GSTA1: variants seen among roughly 807,000 people sequenced by gnomAD.
GSTA1 encodes glutathione S-transferase A1.
Under a neutral mutation model 21.5 loss-of-function variants are expected in GSTA1, and 23 were observed. The observed-to-expected ratio is 1.07, with a 90% CI of 0.77 to 1.52. The LOEUF is 1.52. Among genes scored for constraint, GSTA1 ranks in the 40% most tolerant of loss-of-function variants. GSTA1 has a pLI of 0.00. For synonymous variants in GSTA1, 125 were observed against 90.0 expected, an observed-to-expected ratio of 1.39 and a Z score of -2.20; for missense variants, 301 against 264.2, an observed-to-expected ratio of 1.14 and a Z score of -0.96.
In GSTA1 at chr6:52,792,762, G is replaced by T. The variant is rs777453541; in HGVS notation, c.546+94C>A. ...CTTGGGGCACTGAAGGCCTGGAGAA[G>T]ACTGGGGCAAAACTTGGTCAGTCGC... On this transcript the variant is annotated intron_variant, in intron 6 of 6. Coordinates refer to ENST00000334575, the MANE Select transcript of GSTA1 (RefSeq NM_145740.5). 5 of 1,610,992 alleles carry T rather than the reference G, an allele frequency of 3.1e-6. No homozygotes were observed. The South Asian group carries it at 3.3e-5, about 11-fold the overall frequency.
Position 52,791,973 on chromosome 6 carries a change from T to C in GSTA1, c.554A>G (p.Lys185Arg). ...ISSFPLLKAL[K>R]TRISNLPTVK... The stretch of plus-strand genomic sequence containing the variant: ...TGTGGGCAGGTTGCTGATTCTGGTT[T>C]TCAGGGCCTGTAATTCATAAAGCAC... The change falls in exon 7 of 7, where the codon AAA (lysine) becomes AGA (arginine). Residue 185 changes from lysine to arginine, a missense_variant. Transcript: ENST00000334575. The C allele has an allele frequency of 6.2e-7, 1 of 1,613,940 alleles. No homozygotes were observed. The highest frequency in any genetic ancestry group is 8.5e-7 in the Non-Finnish European group (1 of 1,179,848).
intron 1 of GSTA1, among the ~76,000 whole-genome samples, chr6:52,800,775 C>CT (rs1763697568): frequency 6.6e-6 from 1 of 152,186 alleles, no homozygotes; most frequent in Non-Finnish European, 1.5e-5. Context: ...GTTTTCTCTC[C>CT]AAACCCCCAG....
chr6:52,800,571 T>C (rs142112239), intron 1 of GSTA1, among the ~76,000 whole-genome samples: 1,567 of 152,322 alleles, frequency 0.01, 24 homozygotes, highest in African/African-American at 0.036. Context: ...AGAAATTGAC[T>C]GGGCTCATCA....
chr6:52,794,136 CA>C lies in GSTA1; in HGVS notation c.402del (p.Ala135ProfsTer6), dbSNP rs770836184. On this transcript the variant is annotated frameshift_variant, in exon 5 of 7. Transcript: ENST00000334575. LOFTEE classifies it high-confidence loss of function. ...IKEKIKNRYF[P>X]AFEKVLKSHG... ...ACTGCTTCACTTACTTTTTCAAAGG[CA>C]GGGAAGTAGCGATTTTTTATTTTCT... 1.2e-6 allele frequency: 2 copies of C among 1,613,866 alleles called. No homozygotes were observed. Among genetic ancestry groups the C allele is most frequent in the East Asian group, 4.5e-5 (2 of 44,872 alleles).
intron 2 of GSTA1, among the ~76,000 whole-genome samples, chr6:52,798,249 A>C (rs913733910): frequency 2.0e-5 from 3 of 151,334 alleles, no homozygotes; most frequent in Admixed American, 6.6e-5. Flanking sequence ...CATTATTTTT[A>C]AGGAAAACCT....
At chr6:52,801,207 T>C (rs556447968) in intron 1 of GSTA1, among the ~76,000 whole-genome samples, 2 of 152,304 alleles carry the variant, frequency 1.3e-5, no homozygotes, top group East Asian at 1.9e-4. Context: ...TAAAAAGGTA[T>C]GTATGACTAA....
At chr6:52,801,531 C>A (rs1408692338) in intron 1 of GSTA1, among the ~76,000 whole-genome samples, 1 of 152,172 alleles carries the variant, frequency 6.6e-6, no homozygotes, top group Non-Finnish European at 1.5e-5. Flanking sequence ...CTCTCTTAGC[C>A]ATTGATTGAG....
chr6:52,792,431 A>G (rs1390257478), intron 6 of GSTA1, among the ~76,000 whole-genome samples: 1 of 152,156 alleles, frequency 6.6e-6, no homozygotes, highest in East Asian at 1.9e-4. Context: ...AGTGTTCTGG[A>G]GAGCTGTGCA....
chr6:52,796,543 A>ATATATATATTTTT (rs1300549721), intron 3 of GSTA1, among the ~76,000 whole-genome samples: 1 of 23,758 alleles, frequency 4.2e-5, no homozygotes, highest in Non-Finnish European at 1.1e-4. Context: ...ATATATATAT[A>ATATATATATTTTT]TTTTTTTTTT....
In GSTA1 at chr6:52,791,827, T is replaced by C. The variant is rs1763464013; in HGVS notation, c.*31A>G. 3.1e-6 allele frequency: 5 copies of C among 1,613,250 alleles called. No homozygotes were observed. The highest frequency in any genetic ancestry group is 1.7e-5 in the Admixed American group (1 of 59,892). On this transcript the variant is annotated 3_prime_UTR_variant, in exon 7 of 7. Transcript: ENST00000334575. ...GTTGCAAAACTTTAGAACATTGGTA[T>C]TGCAAGTTCTTGGCCTCCATGACTG...
Position 52,792,971 on chromosome 6 carries a change from C to T in GSTA1, c.431G>A (p.Gly144Glu). The T allele has an allele frequency of 2.5e-6, 4 of 1,614,070 alleles. No individual in the cohort carries two copies. The highest frequency in any genetic ancestry group is 3.4e-6 in the Non-Finnish European group (4 of 1,179,992). The part of the protein sequence containing the change: ...PAFEKVLKSH[G>E]QDYLVGNKLS... ...CTTGTTGCCAACAAGGTAGTCTTGT[C>T]CATGGCTCTTTAAGACCTGGAGAAT... The change falls in exon 6 of 7, where the codon GGA becomes GAA. Residue 144 changes from glycine to glutamate, a missense_variant. Gly to Glu is a moderately conservative substitution (Grantham distance 98, BLOSUM62 -2). Transcript: ENST00000334575.
intron 1 of GSTA1, among the ~76,000 whole-genome samples, chr6:52,802,656 C>G (rs1561916381): frequency 2.0e-5 from 3 of 152,072 alleles, no homozygotes; most frequent in African/African-American, 4.8e-5. Context: ...CTCTGTCTAC[C>G]CATCCATGTA....
rs1763771128 is a variant in GSTA1 at position 52,803,780 on chromosome 6, C to CA, written c.-31+4_-31+5insT. 2 of 183,510 alleles carry CA rather than the reference C, an allele frequency of 1.1e-5. No homozygotes were observed. The highest frequency in any genetic ancestry group is 1.2e-5 in the Non-Finnish European group (1 of 86,610). 11.4% of individuals were successfully genotyped at this position (183,510 alleles called of 1,614,324 possible). A position where few individuals can be genotyped will look rare whatever the true frequency, so the allele number is the denominator to read the frequency against. ...TGTAGAGAAATTTATAAGATCAGTA[C>CA]TTACTTTGTTAAACGCTGTCACCGT... On this transcript the variant is annotated splice_donor_region_variant and intron_variant, in intron 1 of 6. Coordinates refer to ENST00000334575, the MANE Select transcript of GSTA1 (RefSeq NM_145740.5).
chr6:52,797,740 C>T, intron 2 of GSTA1, 103 bp from the exon 3 acceptor site: 2 of 1,048,078 alleles, frequency 1.9e-6, no homozygotes, highest in South Asian at 2.7e-5. Flanking sequence ...TACAAGATTT[C>T]TGAGTTTGGC....
At chr6:52,794,379 T>C in intron 4 of GSTA1, 113 bp from the exon 5 acceptor site, 3 of 1,011,462 alleles carry the variant, frequency 3.0e-6, no homozygotes, top group Non-Finnish European at 4.4e-6. Flanking sequence ...TCACCTCCAG[T>C]GGGTGCCTTT....
intron 2 of GSTA1, 83 bp from the exon 3 acceptor site, chr6:52,797,720 A>T: frequency 8.5e-7 from 1 of 1,177,576 alleles, no homozygotes; most frequent in Non-Finnish European, 1.3e-6. Flanking sequence ...CTGGTGCATC[A>T]TTTGGAGAAT....
At chr6:52,803,104 G>C (rs899554598) in intron 1 of GSTA1, among the ~76,000 whole-genome samples, 5 of 151,984 alleles carry the variant, frequency 3.3e-5, no homozygotes, top group African/African-American at 1.2e-4. Context: ...AGGGAAAGGG[G>C]GTTACAAATC....
chr6:52,793,153 G>A (rs1763499787), intron 5 of GSTA1, among the ~76,000 whole-genome samples, 166 bp from the exon 6 acceptor site: 1 of 152,128 alleles, frequency 6.6e-6, no homozygotes, highest in South Asian at 2.1e-4. Context: ...GAGAGAGTAA[G>A]AACTGTAACT....
intron 2 of GSTA1, among the ~76,000 whole-genome samples, chr6:52,798,785 C>T (rs1440272368): frequency 6.7e-6 from 1 of 150,260 alleles, no homozygotes; most frequent in Non-Finnish European, 1.5e-5. Flanking sequence ...AATGTGTTTT[C>T]CTAAAACACA....
Sources: gnomAD v4.1 joint callset for allele counts (sites outside exome capture counted in the v4.1 genomes callset) on GRCh38, gnomAD v4.1.1 for gene constraint, MANE v1.5 for transcripts, NCBI Gene and HGNC (gene_info 2026-07-23, HGNC 2026-07-21) for gene names.